EPB41L1: variants seen among roughly 807,000 people sequenced by gnomAD.
The protein encoded by EPB41L1 is band 4.1-like protein 1.
In EPB41L1, 29 loss-of-function variants were observed where a neutral mutation model predicts 97.8. The observed-to-expected ratio is 0.30, with a 90% confidence interval of 0.22 to 0.40. EPB41L1 has a LOEUF of 0.40. Among genes scored for constraint, EPB41L1 ranks in the 10% least tolerant of loss-of-function variants. EPB41L1 has a pLI of 1.00. For missense variants in EPB41L1, 812 were observed against 1,162.3 expected (o/e 0.70, Z 4.38); for synonymous variants, 383 against 459.2 (o/e 0.83, Z 2.12).
intron 13 of EPB41L1, 89 bp from the exon 14 acceptor site, chr20:36,197,770 T>A: frequency 1.2e-6 from 2 of 1,610,856 alleles, no homozygotes; most frequent in Non-Finnish European, 1.7e-6. Flanking sequence ...TGGAGGGTGG[T>A]GATGGTGACT....
rs1468143800 is a variant in EPB41L1 at position 36,195,793 on chromosome 20, GTC to G, written c.1485+431_1485+432del. ...CACTGTTTGGTCTCGCCTCCATCTC[GTC>G]TGTGTCCCCTGTGTCCTCACCCCTA... is the stretch of plus-strand genomic sequence containing the variant. On this transcript the variant is annotated intron_variant, in intron 13 of 21. Transcript: ENST00000338074. This position sits in a 1 kb window ranked among gnomAD's most constrained non-coding sequence, Gnocchi z 4.6. Among the ~76,000 whole-genome samples the G allele has an allele frequency of 6.6e-6, 1 of 151,940 alleles. No homozygotes were observed. The highest frequency in any genetic ancestry group is 1.5e-5 in the Non-Finnish European group (1 of 68,004).
At chr20:36,208,506 C>T (rs1208956198) in intron 14 of EPB41L1, 12 of 276,328 alleles carry the variant, frequency 4.3e-5, no homozygotes, top group Non-Finnish European at 8.1e-5. Context: ...CAGCACCTCT[C>T]GTGCTGCTCA....
At chr20:36,214,876 C>T (rs1004960004) in intron 17 of EPB41L1, among the ~76,000 whole-genome samples, 1 of 151,790 alleles carries the variant, frequency 6.6e-6, no homozygotes, top group Non-Finnish European at 1.5e-5. Flanking sequence ...CAGTAGATGG[C>T]GTGTGGTGAC....
chr20:36,197,443 T>C (rs1239658568), intron 13 of EPB41L1, among the ~76,000 whole-genome samples: 2 of 152,214 alleles, frequency 1.3e-5, no homozygotes, highest in African/African-American at 4.8e-5. Context: ...TAGTGAGTTA[T>C]TATAGCTCTC....
chr20:36,153,884 G>A (rs2060160375), upstream of EPB41L1, among the ~76,000 whole-genome samples: 2 of 152,086 alleles, frequency 1.3e-5, no homozygotes, highest in South Asian at 2.1e-4. Context: ...TGGAGGGGAG[G>A]AGCATGGCTT....
intron 2 of EPB41L1, among the ~76,000 whole-genome samples, chr20:36,130,201 G>A (rs895521248): frequency 1.3e-5 from 2 of 150,936 alleles, no homozygotes; most frequent in Admixed American, 6.6e-5. Context: ...CTTGGCCTTC[G>A]AAAATGCTGG....
chr20:36,102,934 C>A (rs2058063423), intron 1 of EPB41L1, among the ~76,000 whole-genome samples: 1 of 152,164 alleles, frequency 6.6e-6, no homozygotes, highest in Non-Finnish European at 1.5e-5. Flanking sequence ...TGGGACACAC[C>A]CAGTGCTTCC....
intron 1 of EPB41L1, among the ~76,000 whole-genome samples, chr20:36,095,861 G>A (rs953717434): frequency 2.0e-5 from 3 of 151,868 alleles, no homozygotes; most frequent in South Asian, 2.1e-4. Flanking sequence ...TGGCCAATAT[G>A]GTAAAAATAC....
chr20:36,166,499 C>CT (rs1666595914), intron 1 of EPB41L1, among the ~76,000 whole-genome samples: 1 of 152,086 alleles, frequency 6.6e-6, no homozygotes, highest in Non-Finnish European at 1.5e-5. Flanking sequence ...AGACAAAATT[C>CT]TTATCTTTAT....
At chr20:36,132,862 C>T (rs2059272495) in intron 2 of EPB41L1, among the ~76,000 whole-genome samples, 1 of 152,198 alleles carries the variant, frequency 6.6e-6, no homozygotes, top group Non-Finnish European at 1.5e-5. Context: ...AGGTGTGGGA[C>T]CCACTGTGAG....
At chr20:36,156,183 C>G (rs1207025499) in intron 1 of EPB41L1, among the ~76,000 whole-genome samples, 3 of 152,214 alleles carry the variant, frequency 2.0e-5, no homozygotes, top group Admixed American at 1.3e-4. Flanking sequence ...GCTGGCTTCT[C>G]CTGGCCAGCC....
At chr20:36,201,179 C>T (rs1392550200) in intron 14 of EPB41L1, among the ~76,000 whole-genome samples, 1 of 152,208 alleles carries the variant, frequency 6.6e-6, no homozygotes, top group Admixed American at 6.5e-5. Flanking sequence ...GCCAGCCCCT[C>T]CCTCATCCAT....
chr20:36,133,334 C>T (rs1434237900), intron 2 of EPB41L1, among the ~76,000 whole-genome samples: 2 of 152,262 alleles, frequency 1.3e-5, no homozygotes, highest in Admixed American at 1.3e-4. Context: ...GGAATTAAGT[C>T]AGTAGATTCA....
At chr20:36,108,909 T>G (rs954824508) in intron 1 of EPB41L1, among the ~76,000 whole-genome samples, 3 of 151,620 alleles carry the variant, frequency 2.0e-5, no homozygotes, top group African/African-American at 7.3e-5. Flanking sequence ...AATGTTACCC[T>G]GGACAGCCCC....
At chr20:36,108,947 C>CTT (rs112178873) in intron 1 of EPB41L1, among the ~76,000 whole-genome samples, 4 of 142,778 alleles carry the variant, frequency 2.8e-5, no homozygotes, top group Non-Finnish European at 4.6e-5. Context: ...TTCAGGGCTT[C>CTT]TTTTTTTTTT....
intron 14 of EPB41L1, among the ~76,000 whole-genome samples, chr20:36,203,941 T>G (rs1227122352): frequency 6.6e-6 from 1 of 151,998 alleles, no homozygotes; most frequent in African/African-American, 2.4e-5. Context: ...CCCTGTGGGG[T>G]GGGATTAACA....
At chr20:36,109,383 A>G (rs6142508) in intron 1 of EPB41L1, among the ~76,000 whole-genome samples, 29,945 of 152,082 alleles carry the variant, frequency 0.2, 3,134 homozygotes, top group Middle Eastern at 0.27. Context: ...AACTGAGACT[A>G]ATGGTGGTTG....
At chr20:36,169,221 CAAAA>C (rs1351633399) in intron 1 of EPB41L1, among the ~76,000 whole-genome samples, 3 of 73,380 alleles carry the variant, frequency 4.1e-5, no homozygotes, top group Admixed American at 1.6e-4. Flanking sequence ...GACTCTGTCT[CAAAA>C]AAAAAAAAAA....
At chr20:36,214,481 C>A in intron 17 of EPB41L1, 41 bp downstream of exon 17, 1 of 1,525,790 alleles carries the variant, frequency 6.6e-7, no homozygotes, top group South Asian at 1.1e-5. Flanking sequence ...GACCAGCCCC[C>A]TGCCCCACCA....
Sources: allele counts gnomAD v4.1 joint callset (sites outside exome capture counted in the v4.1 genomes callset), GRCh38; gene constraint gnomAD v4.1.1; non-coding constraint Gnocchi (gnomAD v3.1); transcripts MANE v1.5; gene names NCBI Gene and HGNC (gene_info 2026-07-23, HGNC 2026-07-21).